The following CCDC180 variants were observed in gnomAD, a reference collection of about 807,000 sequenced individuals.
CCDC180 encodes the protein coiled-coil domain-containing protein 180.
Under a neutral mutation model 209.2 loss-of-function variants are expected in CCDC180, and 154 were observed. That is an observed-to-expected ratio of 0.74 (90% CI 0.65 to 0.84). CCDC180 has a LOEUF of 0.84. Among genes scored for constraint, CCDC180 ranks in the 40% least tolerant of loss-of-function variants. CCDC180 has a pLI of 0.00. For synonymous variants in CCDC180, 778 were observed against 749.1 expected (o/e 1.04, Z -0.63); for missense variants, 1,874 against 1,997.3 (o/e 0.94, Z 1.18).
Position 97,359,992 on chromosome 9 carries a change from C to T in CCDC180, c.3374C>T (p.Thr1125Ile). 1 of 1,613,930 alleles carries T rather than the reference C, an allele frequency of 6.2e-7. No homozygotes were observed. The change falls in exon 26 of 37, where the codon ACA (threonine) becomes ATA (isoleucine). Residue 1125 changes from threonine to isoleucine, a missense_variant. Thr to Ile is a moderately conservative substitution (Grantham distance 89, BLOSUM62 -1). Coordinates refer to ENST00000529487, the MANE Select transcript of CCDC180 (RefSeq NM_020893.6). ...ESRGEKTTVT[T>I]EELLSFVQTW... ...CCCTTTTCTCACCAGACAGTGACCA[C>T]AGAAGAACTCCTCAGCTTCGTCCAA... is the stretch of plus-strand genomic sequence containing the variant.
chr9:97,323,007 C>A, intron 12 of CCDC180, 86 bp downstream of exon 12: 2 of 1,006,924 alleles, frequency 2.0e-6, no homozygotes, highest in Non-Finnish European at 3.0e-6. Flanking sequence ...ACTGCCTTCC[C>A]CTCCCCAGCT....
chr9:97,307,371 G>C, upstream of CCDC180: 1 of 507,992 alleles, frequency 2.0e-6, no homozygotes, highest in African/African-American at 1.9e-5. Flanking sequence ...TGCCTTGAGA[G>C]GTGCTTTCTG....
chr9:97,352,960 TACAC>T (rs112554239), intron 22 of CCDC180, among the ~76,000 whole-genome samples: 29,048 of 149,394 alleles, frequency 0.19, 2,997 homozygotes, highest in East Asian at 0.3. Flanking sequence ...TATATATATA[TACAC>T]ACACACATAT....
chr9:97,355,128 C>A lies in CCDC180; in HGVS notation c.3264+120C>A, dbSNP rs374820357. ...CCCGTGTGTGGGACTTGCTCTCCAG[C>A]CAGGAAGACAGACACAATCTTTTTT... On this transcript the variant is annotated intron_variant, in intron 24 of 36. Transcript: ENST00000529487. 1.4e-4 allele frequency: 93 copies of A among 667,370 alleles called. No homozygotes were observed. The East Asian group carries it at 2.4e-3, about 17-fold the overall frequency. The allele number at this position is 667,370 out of a possible 1,614,324, so 41.3% of individuals were successfully genotyped here.
At chr9:97,335,289 A>T (rs1419638297) in intron 18 of CCDC180, among the ~76,000 whole-genome samples, 1 of 151,828 alleles carries the variant, frequency 6.6e-6, no homozygotes, top group Admixed American at 6.6e-5. Flanking sequence ...TCAACTCGTC[A>T]TTTACACCAG....
intron 24 of CCDC180, among the ~76,000 whole-genome samples, chr9:97,357,355 A>G (rs1471329360): frequency 1.3e-5 from 2 of 152,152 alleles, no homozygotes; most frequent in African/African-American, 2.4e-5. Context: ...CTTTCCAGGG[A>G]GTCTTTACAG....
At position 97,317,133 on chromosome 9, in the gene CCDC180, C is replaced by T. The variant is rs777566541; in HGVS notation, c.864C>T (p.Ser288=). Residue 288 remains serine (S), a synonymous_variant, in exon 9 of 37, where the codon TCC becomes TCT. Transcript: ENST00000529487. The part of the protein sequence containing the change: ...LAQLFVNLME[S]TLQQELDSRH... ...AGCTGTTTGTCAACCTGATGGAGTC[C>T]ACCCTGCAGCAGGAGCTGGACAGCC... The T allele has an allele frequency of 3.1e-6, 5 of 1,613,456 alleles. No individual in the cohort carries two copies. The highest frequency in any genetic ancestry group is 1.7e-6 in the Non-Finnish European group (2 of 1,179,894).
chr9:97,347,562 T>C lies in CCDC180; in HGVS notation c.2674+73T>C, dbSNP rs1031431864. On this transcript the variant is annotated intron_variant, in intron 20 of 36. Transcript: ENST00000529487. The stretch of plus-strand genomic sequence containing the variant: ...CAGCGTCTGCTCCACCGCGGCTCCA[T>C]GTTCATTAGCTGCCCCAGTTTGTAC... 10 of 1,393,112 alleles carry C rather than the reference T, an allele frequency of 7.2e-6. 1 individual carries two copies. In the East Asian group the frequency reaches 2.0e-4, roughly 28 times the overall value. 86.3% of individuals were successfully genotyped at this position (1,393,112 alleles called of 1,614,324 possible).
chr9:97,317,570 T>C lies in CCDC180; in HGVS notation c.959+342T>C, dbSNP rs533657686. ...AACATTCATCCAATTATCTGTATAA[T>C]TTCCACTCTTTATTATCACTCATAA... On this transcript the variant is annotated intron_variant, in intron 9 of 36. Transcript: ENST00000529487. Among the ~76,000 whole-genome samples the C allele has an allele frequency of 9.8e-5, 15 of 152,330 alleles. 1 individual carries two copies. In the South Asian group the frequency reaches 3.1e-3, roughly 32 times the overall value.
intron 35 of CCDC180, among the ~76,000 whole-genome samples, chr9:97,374,896 A>G (rs533621055): frequency 6.6e-6 from 1 of 152,336 alleles, no homozygotes; most frequent in South Asian, 2.1e-4. Flanking sequence ...ATTAGTGCAC[A>G]TGATAAGGAC....
chr9:97,376,428 T>C (rs13289813), intron 36 of CCDC180: 37,182 of 174,116 alleles, frequency 0.21, 4,368 homozygotes, highest in East Asian at 0.4. Context: ...TACCAAAAAA[T>C]CGGGAGCCCT....
In CCDC180 at chr9:97,375,342, A is replaced by C. The variant is rs1827221763; in HGVS notation, c.4707-112A>C. 4 of 1,383,570 alleles carry C rather than the reference A, an allele frequency of 2.9e-6. No individual in the cohort carries two copies. The East Asian group carries it at 9.3e-5, about 32-fold the overall frequency. The allele number at this position is 1,383,570 out of a possible 1,614,324, so 85.7% of individuals were successfully genotyped here. A position where few individuals can be genotyped will look rare whatever the true frequency, so the allele number is the denominator to read the frequency against. On this transcript the variant is annotated intron_variant, in intron 35 of 36. Transcript: ENST00000529487. ...GTTTTTTCTTTTCATTAAGATATTT[A>C]AAGCCATGATAATTTTTTCAAAGAA...
intron 30 of CCDC180, 69 bp downstream of exon 30, chr9:97,365,808 A>G (rs952718611): frequency 3.6e-6 from 5 of 1,396,358 alleles, no homozygotes; most frequent in South Asian, 2.3e-5. Flanking sequence ...TCTGCTGATC[A>G]TGGCCGCTTG....
At position 97,361,601 on chromosome 9, in the gene CCDC180, G is replaced by A. The variant is rs1354533745; in HGVS notation, c.3484-125G>A. ...AGAGGAGAAAATAGTGGCTCAATGAGGTCAGCTAGCTTGCCTGCAGCCACT... is the reference window on the plus strand; with the variant it reads ...AGAGGAGAAAATAGTGGCTCAATGAAGTCAGCTAGCTTGCCTGCAGCCACT... On this transcript the variant is annotated intron_variant, in intron 26 of 36. Coordinates refer to ENST00000529487, the MANE Select transcript of CCDC180 (RefSeq NM_020893.6). The A allele has an allele frequency of 6.1e-6, 5 of 818,510 alleles. No homozygotes were observed. The Admixed American group carries it at 1.0e-4, about 17-fold the overall frequency. The allele number at this position is 818,510 out of a possible 1,614,324, so 50.7% of individuals were successfully genotyped here.
rs375663305 is a variant in CCDC180, at chr9:97,370,895, C to G, written c.4488+117C>G. 15 of 991,054 alleles carry G rather than the reference C, an allele frequency of 1.5e-5. No individual in the cohort carries two copies. The African/African-American group carries it at 1.7e-4, about 11-fold the overall frequency. 61.4% of individuals were successfully genotyped at this position (991,054 alleles called of 1,614,324 possible). On this transcript the variant is annotated intron_variant, in intron 33 of 36. Coordinates refer to ENST00000529487, the MANE Select transcript of CCDC180 (RefSeq NM_020893.6). ...GTATCTTGCCCAAAGCAGGCATGATCGTGGTTGGGTTTTGTAGGTAAAAAT... is the reference window on the plus strand; with the variant it reads ...GTATCTTGCCCAAAGCAGGCATGATGGTGGTTGGGTTTTGTAGGTAAAAAT...
chr9:97,321,775 C>A (rs752878885), intron 11 of CCDC180, among the ~76,000 whole-genome samples: 6 of 152,146 alleles, frequency 3.9e-5, no homozygotes, highest in Non-Finnish European at 8.8e-5. Flanking sequence ...ATCGTGGAAA[C>A]ATTGACAAGG....
intron 21 of CCDC180, 74 bp downstream of exon 21, chr9:97,349,365 G>GC: frequency 4.5e-6 from 6 of 1,338,272 alleles, no homozygotes; most frequent in African/African-American, 4.4e-5. Flanking sequence ...TTTCAAAGGA[G>GC]CCCCCCTCCC....
At chr9:97,349,446 A>G (rs78320995) in intron 21 of CCDC180, among the ~76,000 whole-genome samples, 155 bp downstream of exon 21, 1,997 of 152,294 alleles carry the variant, frequency 0.013, 53 homozygotes, top group African/African-American at 0.046. Context: ...AGTCAAGTCA[A>G]ACTCTGTGTG....
intron 19 of CCDC180, among the ~76,000 whole-genome samples, chr9:97,344,604 A>G (rs1826193552): frequency 6.6e-6 from 1 of 152,212 alleles, no homozygotes. Context: ...CATTTGGCCT[A>G]GATATCCAGG....
Sources: allele counts gnomAD v4.1 joint callset (sites outside exome capture counted in the v4.1 genomes callset), GRCh38; gene constraint gnomAD v4.1.1; transcripts MANE v1.5; gene names NCBI Gene and HGNC (gene_info 2026-07-23, HGNC 2026-07-21).